The following SUMF1 variants were observed in gnomAD, a reference collection of about 807,000 sequenced individuals.
SUMF1 encodes sulfatase modifying factor 1.
SUMF1 carries 48 observed loss-of-function variants against 47.6 expected under a neutral mutation model. The ratio of observed to expected loss-of-function variants is 1.01; its 90% CI spans 0.80 to 1.28. The LOEUF (loss-of-function observed/expected upper bound fraction) is 1.28, where lower values mean the gene tolerates loss of function less well. SUMF1 is among the 50% of genes most tolerant of loss of function. The probability of loss-of-function intolerance (pLI) is 0.00; values close to 1 mark genes in which losing one functional copy is unlikely to be tolerated. For missense variants in SUMF1, 571 were observed against 485.4 expected (o/e 1.18, Z -1.66); for synonymous variants, 230 against 192.1 (o/e 1.20, Z -1.63).
chr3:4,359,480 G>A (rs115068541), downstream of SUMF1, among the ~76,000 whole-genome samples: 1 of 152,036 alleles, frequency 6.6e-6, no homozygotes, highest in Non-Finnish European at 1.5e-5. Flanking sequence ...ATGGGGTCTC[G>A]CTTTGTTGCT....
At chr3:4,092,614 C>T (rs1245835928) in intron 8 of SUMF1, among the ~76,000 whole-genome samples, 2 of 152,098 alleles carry the variant, frequency 1.3e-5, no homozygotes, top group African/African-American at 4.8e-5. Flanking sequence ...CTTCTAAAGA[C>T]TCATACAAGA....
At chr3:4,309,170 T>G (rs1698307921) in intron 8 of SUMF1, among the ~76,000 whole-genome samples, 1 of 152,206 alleles carries the variant, frequency 6.6e-6, no homozygotes, top group African/African-American at 2.4e-5. Context: ...ATCATGCAGG[T>G]GAAGCCTCCA....
At chr3:4,200,789 C>T (rs964387870) in intron 8 of SUMF1, among the ~76,000 whole-genome samples, 2 of 152,106 alleles carry the variant, frequency 1.3e-5, no homozygotes, top group Admixed American at 1.3e-4. Flanking sequence ...AATGCAGATA[C>T]CAAATTGTTC....
chr3:4,074,729 G>T (rs565971979), intron 8 of SUMF1, among the ~76,000 whole-genome samples: 1 of 152,040 alleles, frequency 6.6e-6, no homozygotes, highest in Non-Finnish European at 1.5e-5. Context: ...AAATAAATTA[G>T]AAAATCTAGA....
intron 8 of SUMF1, among the ~76,000 whole-genome samples, chr3:4,191,159 G>C (rs1695306799): frequency 1.3e-5 from 2 of 152,120 alleles, no homozygotes; most frequent in South Asian, 4.1e-4. Context: ...GAGGGACCAG[G>C]AAACTCATCT....
chr3:4,084,244 G>C (rs1183541520), intron 8 of SUMF1, among the ~76,000 whole-genome samples: 1 of 152,110 alleles, frequency 6.6e-6, no homozygotes, highest in Non-Finnish European at 1.5e-5. Flanking sequence ...CAGGAAAAAT[G>C]CAAGTGGCAT....
At chr3:4,374,316 A>C (rs1241346433) in intron 8 of SUMF1, among the ~76,000 whole-genome samples, 1 of 152,350 alleles carries the variant, frequency 6.6e-6, no homozygotes, top group Admixed American at 6.5e-5. Context: ...AGAACTAATA[A>C]ATGAGTTTTG....
chr3:4,402,873 T>C (rs1701259142), intron 7 of SUMF1, among the ~76,000 whole-genome samples: 1 of 152,128 alleles, frequency 6.6e-6, no homozygotes, highest in African/African-American at 2.4e-5. Context: ...ATAAAAAAAA[T>C]CGCTGTGTAA....
intron 6 of SUMF1, among the ~76,000 whole-genome samples, chr3:4,413,196 G>T (rs1302332547): frequency 6.6e-6 from 1 of 151,902 alleles, no homozygotes; most frequent in East Asian, 1.9e-4. Context: ...TGTAGACATG[G>T]GGTCTCCTCA....
At chr3:4,097,089 A>G (rs1422220154) in intron 8 of SUMF1, among the ~76,000 whole-genome samples, 1 of 152,148 alleles carries the variant, frequency 6.6e-6, no homozygotes, top group Non-Finnish European at 1.5e-5. Flanking sequence ...TGGTTTAGTC[A>G]ACAAGACATG....
rs184935767 is a variant in SUMF1 at position 4,218,954 on chromosome 3, C to A, written c.1015-150209G>T. On this transcript the variant is annotated intron_variant and NMD_transcript_variant, in intron 8 of 12. Coordinates refer to the SUMF1 transcript ENST00000448413. ...TCGTGCTCACAGAGGAAGTCAGATTCTAGTAGGCAGCTCAACAGCAGATCT... is the reference window on the plus strand; with the variant it reads ...TCGTGCTCACAGAGGAAGTCAGATTATAGTAGGCAGCTCAACAGCAGATCT... Among the ~76,000 whole-genome samples, 4 of 152,100 alleles carry A rather than the reference C, an allele frequency of 2.6e-5. No individual in the cohort carries two copies. In the East Asian group the frequency reaches 7.7e-4, roughly 29 times the overall value.
intron 7 of SUMF1, among the ~76,000 whole-genome samples, chr3:4,380,548 C>T (rs960508759): frequency 1.3e-5 from 2 of 152,096 alleles, no homozygotes; most frequent in African/African-American, 4.8e-5. Flanking sequence ...ATGTAACAAA[C>T]CTGCACATCC....
chr3:4,134,951 A>T (rs1248103518), intron 8 of SUMF1, among the ~76,000 whole-genome samples: 1 of 152,148 alleles, frequency 6.6e-6, no homozygotes, highest in African/African-American at 2.4e-5. Flanking sequence ...ATAGACCAAT[A>T]ACAGGCTCTG....
intron 8 of SUMF1, among the ~76,000 whole-genome samples, chr3:4,324,273 G>A (rs1698896989): frequency 6.6e-6 from 1 of 152,032 alleles, no homozygotes; most frequent in African/African-American, 2.4e-5. Context: ...GCCTCATTTG[G>A]TATCATTGTT....
At chr3:4,315,494 G>A (rs1259194864) in intron 8 of SUMF1, among the ~76,000 whole-genome samples, 1 of 152,050 alleles carries the variant, frequency 6.6e-6, no homozygotes, top group African/African-American at 2.4e-5. Flanking sequence ...ACTGAATATG[G>A]ACCCCTGGAA....
intron 8 of SUMF1, among the ~76,000 whole-genome samples, chr3:4,137,435 A>G (rs1693964065): frequency 1.3e-5 from 2 of 149,822 alleles, no homozygotes; most frequent in Non-Finnish European, 3.0e-5. Context: ...GAACACTTGG[A>G]CACAGAAAGT....
At chr3:4,409,236 A>G (rs1326754653) in intron 7 of SUMF1, among the ~76,000 whole-genome samples, 1 of 152,188 alleles carries the variant, frequency 6.6e-6, no homozygotes, top group Non-Finnish European at 1.5e-5. Context: ...ATTATGGAGT[A>G]TGAATTGTCT....
At position 4,193,005 on chromosome 3, in the gene SUMF1, A is replaced by G. The variant is rs113459409; in HGVS notation, c.1015-124260T>C. ...TTAGAATAGGCCTCAATCCAGGCCA[A>G]TGTCAGCATGTCAAAACATAATTCA... On this transcript the variant is annotated intron_variant and NMD_transcript_variant, in intron 8 of 12. Transcript: ENST00000448413. Among the ~76,000 whole-genome samples the G allele has an allele frequency of 2.0e-5, 3 of 152,228 alleles. 1 individual carries two copies. Among genetic ancestry groups the G allele is most frequent in the African/African-American group, 7.2e-5 (3 of 41,572 alleles).
chr3:4,254,334 A>C (rs2125014606), intron 8 of SUMF1, among the ~76,000 whole-genome samples: 2 of 151,714 alleles, frequency 1.3e-5, no homozygotes, highest in Middle Eastern at 6.8e-3. Context: ...GAGGACATTC[A>C]AACCAAAGGC....
Sources: allele counts gnomAD v4.1 joint callset (sites outside exome capture counted in the v4.1 genomes callset), GRCh38; gene constraint gnomAD v4.1.1; transcripts MANE v1.5; gene names NCBI Gene and HGNC (gene_info 2026-07-23, HGNC 2026-07-21).